CNGB1: variants seen among roughly 807,000 people sequenced by gnomAD.
The protein encoded by CNGB1 is cyclic nucleotide-gated channel beta-1.
CNGB1 carries 126 observed loss-of-function variants against 151.7 expected under a neutral mutation model. The observed-to-expected ratio is 0.83, with a 90% confidence interval of 0.72 to 0.96. CNGB1 has a LOEUF of 0.96. CNGB1 is among the 40% of genes least tolerant of loss of function. The probability of loss-of-function intolerance (pLI) is 0.00; values close to 1 mark genes in which losing one functional copy is unlikely to be tolerated. For synonymous variants in CNGB1, 623 were observed against 635.1 expected, an observed-to-expected ratio of 0.98 and a Z score of 0.29; for missense variants, 1,698 against 1,627.0, an observed-to-expected ratio of 1.04 and a Z score of -0.75.
chr16:57,888,133 C>T lies in CNGB1; in HGVS notation c.3243-59G>A, dbSNP rs111327336. 61 of 1,540,148 alleles carry T rather than the reference C, an allele frequency of 4.0e-5. No homozygotes were observed. The East Asian group carries it at 1.1e-3, about 27-fold the overall frequency. On this transcript the variant is annotated intron_variant, in intron 31 of 32. Transcript: ENST00000251102. ...CGCACTCTGGGGGAAAAGAAAGACT[C>T]GCTTCTGCAGCCTCCTTTAAGCTGG...
At chr16:57,897,573 T>A (rs750087887) in intron 30 of CNGB1, 30 bp from the exon 31 acceptor site, 48 of 1,613,232 alleles carry the variant, frequency 3.0e-5, no homozygotes, top group Non-Finnish European at 4.0e-5. Flanking sequence ...AAGGAGGCCC[T>A]TCAGAGACTG....
rs541698458 is a variant in CNGB1, at chr16:57,917,280, G to A, written c.2154C>T (p.Gly718=). 7.7e-5 allele frequency: 124 copies of A among 1,613,584 alleles called. No homozygotes were observed. In the East Asian group the frequency reaches 1.7e-3, roughly 22 times the overall value. The change falls in exon 21 of 33, where the codon GGC becomes GGT. Residue 718 remains glycine (G), a synonymous_variant. Coordinates refer to ENST00000251102, the MANE Select transcript of CNGB1 (RefSeq NM_001297.5). ...VFQTRLQFVR[G]GDIITDKKDM... is the part of the protein sequence containing the mutation. ...GCCTGTGACTCACAATGATGTCCCC[G>A]CCTCTGACAAACTGCAGGCGTGTCT... is the stretch of plus-strand genomic sequence containing the variant.
rs764558982 is a variant in CNGB1, at chr16:57,919,262, A to T, written c.1802-8T>A. 2.5e-6 allele frequency: 4 copies of T among 1,613,678 alleles called. No individual in the cohort carries two copies. The African/African-American group carries it at 5.4e-5, about 22-fold the overall frequency. ...GGGCTTTCTTGGCTGGGGCTGTGGG[A>T]TGACATTGGTGACCATCTGAACCAG... is the stretch of plus-strand genomic sequence containing the variant. On this transcript the variant is annotated splice_polypyrimidine_tract_variant and splice_region_variant and intron_variant, in intron 19 of 32. Transcript: ENST00000251102.
At chr16:57,955,049 A>G in intron 12 of CNGB1, 1 of 1,277,938 alleles carries the variant, frequency 7.8e-7, no homozygotes, top group Non-Finnish European at 1.0e-6. Context: ...ACGCCCGGCT[A>G]TGGGCCTTTT....
At chr16:57,940,153 A>G (rs1484167166) in intron 15 of CNGB1, 81 bp downstream of exon 15, 1 of 1,370,718 alleles carries the variant, frequency 7.3e-7, no homozygotes, top group Non-Finnish European at 1.0e-6. Flanking sequence ...CTCCCCCTGT[A>G]AGCAAAGTGG....
At chr16:57,941,272 C>T (rs1480435158) in intron 14 of CNGB1, among the ~76,000 whole-genome samples, 2 of 152,202 alleles carry the variant, frequency 1.3e-5, no homozygotes, top group Admixed American at 6.5e-5. Context: ...AACACCCCCT[C>T]CCCACCCCTC....
chr16:57,918,688 C>A (rs1421372140), intron 20 of CNGB1, among the ~76,000 whole-genome samples: 1 of 152,096 alleles, frequency 6.6e-6, no homozygotes, highest in East Asian at 1.9e-4. Flanking sequence ...ATCTTATGTT[C>A]CTATTCCAGG....
At chr16:57,909,137 G>T (rs529293599) in intron 25 of CNGB1, among the ~76,000 whole-genome samples, 38 of 152,282 alleles carry the variant, frequency 2.5e-4, no homozygotes, top group African/African-American at 8.9e-4. Flanking sequence ...GTGCAGTGGC[G>T]TGTGCCTGTG....
chr16:57,913,075 A>G, intron 23 of CNGB1, 81 bp from the exon 24 acceptor site: 1 of 1,326,258 alleles, frequency 7.5e-7, no homozygotes, highest in Non-Finnish European at 1.1e-6. Flanking sequence ...GCCGAGACTC[A>G]GGGCTCTTCC....
intron 10 of CNGB1, 76 bp downstream of exon 10, chr16:57,959,812 G>A: frequency 7.1e-7 from 1 of 1,408,676 alleles, no homozygotes. Context: ...CAGGTTTCCA[G>A]GAGGTTGGGT....
At chr16:57,943,394 G>A (rs959895470) in intron 14 of CNGB1, among the ~76,000 whole-genome samples, 2 of 152,060 alleles carry the variant, frequency 1.3e-5, no homozygotes, top group Admixed American at 6.6e-5. Flanking sequence ...AAGATAGGCC[G>A]GGTGCAGTGG....
intron 27 of CNGB1, among the ~76,000 whole-genome samples, chr16:57,902,562 C>T (rs1371396611): frequency 6.6e-6 from 1 of 152,210 alleles, no homozygotes; most frequent in Non-Finnish European, 1.5e-5. Context: ...CTGCCTCAGC[C>T]TCCCAAAGTG....
chr16:57,960,785 G>A, intron 8 of CNGB1, 55 bp downstream of exon 8: 1 of 1,573,132 alleles, frequency 6.4e-7, no homozygotes, highest in Non-Finnish European at 8.7e-7. Flanking sequence ...CCCTCCTGGG[G>A]CCCCAGAAGC....
At chr16:57,941,311 G>A (rs8052097) in intron 14 of CNGB1, among the ~76,000 whole-genome samples, 11,605 of 152,146 alleles carry the variant, frequency 0.076, 659 homozygotes, top group African/African-American at 0.15. Flanking sequence ...GGTTCACAGA[G>A]GATGCTCTGG....
At chr16:57,944,048 C>T (rs557001423) in intron 14 of CNGB1, among the ~76,000 whole-genome samples, 12 of 151,862 alleles carry the variant, frequency 7.9e-5, no homozygotes, top group South Asian at 2.1e-4. Flanking sequence ...TTACCACACC[C>T]GGCTAATTTT....
intron 16 of CNGB1, 48 bp from the exon 17 acceptor site, chr16:57,931,926 G>T (rs779573540): frequency 6.2e-7 from 1 of 1,601,446 alleles, no homozygotes; most frequent in Non-Finnish European, 8.5e-7. Flanking sequence ...ACAAAAGCTG[G>T]GTCCCAGGAG....
At chr16:57,939,349 G>T (rs560754335) in intron 16 of CNGB1, 81 bp downstream of exon 16, 13 of 1,587,298 alleles carry the variant, frequency 8.2e-6, no homozygotes, top group Non-Finnish European at 1.1e-5. Flanking sequence ...AGGAGGGGTT[G>T]CCCCTGCACG....
intron 17 of CNGB1, among the ~76,000 whole-genome samples, chr16:57,926,264 C>T (rs1362024047): frequency 1.3e-5 from 2 of 152,208 alleles, no homozygotes; most frequent in Non-Finnish European, 2.9e-5. Flanking sequence ...AGCAGAGGTT[C>T]CTACTCCAGC....
intron 31 of CNGB1, among the ~76,000 whole-genome samples, chr16:57,893,716 G>A (rs558145700): frequency 1.2e-4 from 19 of 152,200 alleles, no homozygotes; most frequent in Middle Eastern, 3.4e-3. Context: ...CAGGAGAATC[G>A]AATTGTTTGA....
Sources: allele counts gnomAD v4.1 joint callset (sites outside exome capture counted in the v4.1 genomes callset), GRCh38; gene constraint gnomAD v4.1.1; transcripts MANE v1.5; gene names NCBI Gene and HGNC (gene_info 2026-07-23, HGNC 2026-07-21).